The following CDH18 variants were observed in gnomAD, a reference collection of about 807,000 sequenced individuals.
CDH18 encodes cadherin 18.
In CDH18, 31 loss-of-function variants were observed where a neutral mutation model predicts 67.9. The observed-to-expected ratio is 0.46, with a 90% CI of 0.34 to 0.62. The LOEUF (loss-of-function observed/expected upper bound fraction) is 0.62. CDH18 is among the 20% of genes least tolerant of loss of function. CDH18 has a pLI of 0.01. For missense variants in CDH18, 890 were observed against 975.5 expected (o/e 0.91, Z 1.17); for synonymous variants, 362 against 347.2 (o/e 1.04, Z -0.48).
At chr5:19,694,703 A>G (rs903717255) in intron 5 of CDH18, among the ~76,000 whole-genome samples, 4 of 150,944 alleles carry the variant, frequency 2.6e-5, no homozygotes, top group Admixed American at 6.6e-5. Flanking sequence ...TTTTGTTCCT[A>G]TTGTCTCCTG....
chr5:19,989,956 G>A (rs1799888463), upstream of CDH18, among the ~76,000 whole-genome samples: 1 of 152,178 alleles, frequency 6.6e-6, no homozygotes, highest in Non-Finnish European at 1.5e-5. Context: ...AAGTGGAACG[G>A]AAACAGCAGC....
At chr5:20,010,159 GGT>G (rs35461877) in intron 2 of CDH18, among the ~76,000 whole-genome samples, 1,644 of 146,120 alleles carry the variant, frequency 0.011, 15 homozygotes, top group Middle Eastern at 0.014. Context: ...AGTGGAAAGT[GGT>G]GTGTGTGTGT....
intron 5 of CDH18, among the ~76,000 whole-genome samples, chr5:19,696,762 C>A (rs187871734): frequency 6.6e-6 from 1 of 152,174 alleles, no homozygotes; most frequent in East Asian, 2.0e-4. Context: ...ACGGGAACCA[C>A]CAAGTTGTTC....
chr5:19,897,852 T>C (rs888064063), intron 2 of CDH18, among the ~76,000 whole-genome samples: 2 of 152,076 alleles, frequency 1.3e-5, no homozygotes, highest in Non-Finnish European at 2.9e-5. Context: ...AATTAATCTA[T>C]GAAAGTAGAA....
At chr5:19,692,644 A>G (rs1338010415) in intron 5 of CDH18, among the ~76,000 whole-genome samples, 1 of 152,004 alleles carries the variant, frequency 6.6e-6, no homozygotes, top group East Asian at 1.9e-4. Context: ...AGATATCACT[A>G]ATCATCAGGG....
intron 2 of CDH18, among the ~76,000 whole-genome samples, chr5:20,181,674 A>T (rs879116969): frequency 6.6e-6 from 1 of 152,138 alleles, no homozygotes; most frequent in Admixed American, 6.6e-5. Flanking sequence ...CAAGTGAACA[A>T]CACCAATAAT....
intron 1 of CDH18, among the ~76,000 whole-genome samples, chr5:20,444,779 CTTT>C (rs60852616): frequency 1.4e-5 from 2 of 141,910 alleles, no homozygotes; most frequent in Admixed American, 7.1e-5. Context: ...TTTTTTCTTT[CTTT>C]TTTTTTTTTT....
At chr5:19,741,212 T>G (rs895736649) in intron 4 of CDH18, among the ~76,000 whole-genome samples, 2 of 143,646 alleles carry the variant, frequency 1.4e-5, no homozygotes, top group African/African-American at 2.5e-5. Flanking sequence ...ATATGTCATA[T>G]ATGTATATAT....
At chr5:20,222,434 G>GT (rs1211484559) in intron 2 of CDH18, among the ~76,000 whole-genome samples, 3 of 152,072 alleles carry the variant, frequency 2.0e-5, no homozygotes, top group Non-Finnish European at 4.4e-5. Context: ...CATAAATGTT[G>GT]TATATGGTAT....
At chr5:19,830,417 C>A (rs1018009217) in intron 3 of CDH18, among the ~76,000 whole-genome samples, 1 of 152,002 alleles carries the variant, frequency 6.6e-6, no homozygotes, top group Non-Finnish European at 1.5e-5. Context: ...ATATACCCAG[C>A]CAACAAGCAT....
chr5:20,038,543 T>C (rs1740103192), intron 2 of CDH18, among the ~76,000 whole-genome samples: 1 of 152,114 alleles, frequency 6.6e-6, no homozygotes, highest in Non-Finnish European at 1.5e-5. Flanking sequence ...GTTCAACATA[T>C]GCAAATCAAC....
chr5:20,414,881 C>A (rs187952548), intron 1 of CDH18, among the ~76,000 whole-genome samples: 1 of 152,224 alleles, frequency 6.6e-6, no homozygotes, highest in Admixed American at 6.5e-5. Flanking sequence ...CTTGTGCACT[C>A]TTGGTGATAA....
intron 2 of CDH18, among the ~76,000 whole-genome samples, chr5:20,064,357 A>G (rs1180670560): frequency 6.6e-6 from 1 of 152,146 alleles, no homozygotes; most frequent in Non-Finnish European, 1.5e-5. Context: ...TTATCAAGAA[A>G]AATTGGCAAA....
chr5:20,438,998 T>G (rs1278167046), intron 1 of CDH18, among the ~76,000 whole-genome samples: 2 of 151,506 alleles, frequency 1.3e-5, no homozygotes, highest in Non-Finnish European at 3.0e-5. Flanking sequence ...ATTAATAGTG[T>G]TAAGTAATGG....
intron 2 of CDH18, among the ~76,000 whole-genome samples, chr5:20,143,986 G>C (rs1030045254): frequency 6.6e-6 from 1 of 152,134 alleles, no homozygotes; most frequent in Admixed American, 6.6e-5. Context: ...GTGATGTCTT[G>C]AACCTCTGTG....
chr5:19,748,131 A>AAAAAAAAAAAAAC (rs1561215781), intron 3 of CDH18, among the ~76,000 whole-genome samples: 1 of 144,534 alleles, frequency 6.9e-6, no homozygotes, highest in Non-Finnish European at 1.5e-5. Context: ...AAAAAAAAAA[A>AAAAAAAAAAAAAC]AAGAGTACTT....
chr5:20,172,938 C>A (rs1452395391), intron 2 of CDH18, among the ~76,000 whole-genome samples: 1 of 150,718 alleles, frequency 6.6e-6, no homozygotes, highest in Admixed American at 6.6e-5. Flanking sequence ...TGCAGTGAGC[C>A]GAGATCGCAC....
intron 2 of CDH18, among the ~76,000 whole-genome samples, chr5:20,128,649 C>T (rs1749022853): frequency 6.6e-6 from 1 of 152,080 alleles, no homozygotes; most frequent in South Asian, 2.1e-4. Context: ...AGTTTGTCAG[C>T]TTATCATCTT....
At chr5:19,664,350 C>A (rs1456499203) in intron 5 of CDH18, among the ~76,000 whole-genome samples, 1 of 151,724 alleles carries the variant, frequency 6.6e-6, no homozygotes, top group Admixed American at 6.6e-5. Context: ...AACTCATCAC[C>A]CCTGTAATTT....
Sources: allele counts gnomAD v4.1 joint callset (sites outside exome capture counted in the v4.1 genomes callset), GRCh38; gene constraint gnomAD v4.1.1; transcripts MANE v1.5; gene names NCBI Gene and HGNC (gene_info 2026-07-23, HGNC 2026-07-21).